Variants in EHMT1 observed in about 807,000 individuals in gnomAD.
The protein encoded by EHMT1 is histone-lysine N-methyltransferase EHMT1.
EHMT1 carries 15 observed loss-of-function variants against 147.2 expected under a neutral mutation model. The observed-to-expected ratio is 0.10, with a 90% confidence interval of 0.07 to 0.16. The LOEUF is 0.16. Among genes scored for constraint, EHMT1 ranks in the 10% least tolerant of loss-of-function variants. The pLI is 1.00. For synonymous variants in EHMT1, 795 were observed against 709.6 expected, an observed-to-expected ratio of 1.12 and a Z score of -1.91; for missense variants, 1,587 against 1,772.4, an observed-to-expected ratio of 0.90 and a Z score of 1.88.
At chr9:137,769,364 T>C (rs1448899376) in intron 10 of EHMT1, among the ~76,000 whole-genome samples, 1 of 152,258 alleles carries the variant, frequency 6.6e-6, no homozygotes, top group Non-Finnish European at 1.5e-5. Flanking sequence ...GTCTTTGTGG[T>C]ATTATTATAT....
intron 5 of EHMT1, 62 bp downstream of exon 5, chr9:137,743,590 C>T: frequency 1.2e-6 from 2 of 1,610,340 alleles, no homozygotes; most frequent in Non-Finnish European, 8.5e-7. Context: ...GTGTTCAGGG[C>T]CTCGTTATCA....
chr9:137,818,274 G>A, intron 25 of EHMT1, 136 bp downstream of exon 25: 1 of 980,510 alleles, frequency 1.0e-6, no homozygotes, highest in Non-Finnish European at 1.6e-6. Context: ...GACCTGCTGA[G>A]TGCCGCATTT....
intron 18 of EHMT1, among the ~76,000 whole-genome samples, chr9:137,808,179 C>T (rs553620045): frequency 5.9e-5 from 9 of 152,296 alleles, no homozygotes; most frequent in South Asian, 2.1e-4. Context: ...GGAAAGGCCC[C>T]GGCTTTGAGT....
chr9:137,622,383 G>C (rs967826131), intron 1 of EHMT1, among the ~76,000 whole-genome samples: 4 of 151,990 alleles, frequency 2.6e-5, no homozygotes, highest in African/African-American at 9.7e-5. Flanking sequence ...GCCTCCTAAA[G>C]TGCTAGGATT....
intron 1 of EHMT1, among the ~76,000 whole-genome samples, chr9:137,635,767 C>G (rs933853597): frequency 6.6e-6 from 1 of 150,972 alleles, no homozygotes; most frequent in African/African-American, 2.4e-5. Context: ...TTGCAGTGAG[C>G]TGAGATGGTG....
chr9:137,717,740 C>T (rs189153552), intron 3 of EHMT1, among the ~76,000 whole-genome samples: 150 of 152,198 alleles, frequency 9.9e-4, no homozygotes, highest in African/African-American at 3.5e-3. Flanking sequence ...TCTGTAGAAA[C>T]GTGTCAGATC....
chr9:137,735,506 G>A (rs3125786), intron 4 of EHMT1, among the ~76,000 whole-genome samples: 146,970 of 152,326 alleles, frequency 0.96, 70,999 homozygotes, highest in East Asian at 1. Flanking sequence ...GCTATAATAC[G>A]TGTAGCAAAC....
intron 15 of EHMT1, among the ~76,000 whole-genome samples, chr9:137,789,664 C>A (rs1335846743): frequency 1.3e-5 from 2 of 152,208 alleles, no homozygotes; most frequent in African/African-American, 4.8e-5. Flanking sequence ...TTTGGGGAAG[C>A]CCAGCTCCTT....
At chr9:137,717,765 A>G (rs1019480983) in intron 3 of EHMT1, among the ~76,000 whole-genome samples, 3 of 152,190 alleles carry the variant, frequency 2.0e-5, no homozygotes, top group African/African-American at 4.8e-5. Context: ...CAAGGAGGCC[A>G]CGGCCTCTTC....
At chr9:137,729,883 T>A (rs1946955764) in intron 4 of EHMT1, among the ~76,000 whole-genome samples, 1 of 152,170 alleles carries the variant, frequency 6.6e-6, no homozygotes, top group Non-Finnish European at 1.5e-5. Flanking sequence ...GCGACGCCGC[T>A]CTCTAATCTC....
chr9:137,707,815 C>G (rs1459971031), intron 1 of EHMT1, among the ~76,000 whole-genome samples: 1 of 152,138 alleles, frequency 6.6e-6, no homozygotes, highest in Non-Finnish European at 1.5e-5. Flanking sequence ...ACAGCTGGTG[C>G]CCAAAAATGC....
chr9:137,738,364 C>T (rs1051983927), intron 4 of EHMT1, among the ~76,000 whole-genome samples: 2 of 152,116 alleles, frequency 1.3e-5, no homozygotes, highest in African/African-American at 2.4e-5. Context: ...GAGATACCAC[C>T]GTACACCTGT....
chr9:137,707,917 G>T (rs564149221), intron 1 of EHMT1, among the ~76,000 whole-genome samples: 1 of 152,210 alleles, frequency 6.6e-6, no homozygotes, highest in African/African-American at 2.4e-5. Flanking sequence ...GAGCTGTGCC[G>T]TGGCAGGCAG....
intron 15 of EHMT1, chr9:137,789,335 C>G (rs1035671814): frequency 6.6e-6 from 1 of 152,470 alleles, no homozygotes; most frequent in Admixed American, 6.5e-5. Context: ...GCCACCCTCT[C>G]CATTGTGGGC....
At chr9:137,819,769 G>C (rs1353450185) in intron 25 of EHMT1, among the ~76,000 whole-genome samples, 3 of 151,918 alleles carry the variant, frequency 2.0e-5, no homozygotes, top group Non-Finnish European at 4.4e-5. Context: ...CAACAGACAC[G>C]TCCCTTGTGT....
At chr9:137,696,747 T>G (rs1943427065) in intron 1 of EHMT1, among the ~76,000 whole-genome samples, 1 of 152,232 alleles carries the variant, frequency 6.6e-6, no homozygotes. Flanking sequence ...TGGGGGTATC[T>G]TCAAAGCTCG....
chr9:137,736,062 C>A (rs1336375812), intron 4 of EHMT1, among the ~76,000 whole-genome samples: 2 of 151,934 alleles, frequency 1.3e-5, no homozygotes, highest in Admixed American at 6.6e-5. Flanking sequence ...TATAAGAGAC[C>A]CACCTTAGAT....
Position 137,820,444 on chromosome 9 carries a change from C to T in EHMT1, c.3540+2306C>T, listed in dbSNP as rs147229233. ...GTGTGCCACAGATGTCGCCTTCTCT[C>T]TATGACTTTTTCATTTCCTAATGAT... On this transcript the variant is annotated intron_variant, in intron 25 of 26. Coordinates refer to ENST00000460843, the MANE Select transcript of EHMT1 (RefSeq NM_024757.5). Among the ~76,000 whole-genome samples, 50 of 152,370 alleles carry T rather than the reference C, an allele frequency of 3.3e-4. No homozygotes were observed. The East Asian group carries it at 7.1e-3, about 22-fold the overall frequency.
intron 14 of EHMT1, 36 bp downstream of exon 14, chr9:137,779,753 G>A (rs764634860): frequency 2.8e-5 from 45 of 1,608,140 alleles, no homozygotes; most frequent in East Asian, 4.5e-5. Flanking sequence ...ACATGCAGCC[G>A]GCCCTGTGGC....
Sources: allele counts gnomAD v4.1 joint callset (sites outside exome capture counted in the v4.1 genomes callset), GRCh38; gene constraint gnomAD v4.1.1; transcripts MANE v1.5; gene names NCBI Gene and HGNC (gene_info 2026-07-23, HGNC 2026-07-21).